The following N4BP3 variants were observed in gnomAD, a reference collection of about 807,000 sequenced individuals.
N4BP3 encodes the protein NEDD4 binding protein 3.
Under a neutral mutation model 43.8 loss-of-function variants are expected in N4BP3, and 33 were observed. The observed-to-expected ratio is 0.75, with a 90% CI of 0.57 to 1.01. The LOEUF (loss-of-function observed/expected upper bound fraction) is 1.01. Among genes scored for constraint, N4BP3 ranks in the 50% least tolerant of loss-of-function variants. The pLI is 0.00. For missense variants in N4BP3, 756 were observed against 744.2 expected (o/e 1.02, Z -0.18); for synonymous variants, 326 against 321.9 (o/e 1.01, Z -0.14).
chr5:178,117,254 C>T (rs961310567), intron 1 of N4BP3, among the ~76,000 whole-genome samples: 1 of 152,174 alleles, frequency 6.6e-6, no homozygotes, highest in Non-Finnish European at 1.5e-5. Context: ...AGGAGTTGAG[C>T]GTGCTTGTGG....
Position 178,121,952 on chromosome 5 carries a change from G to A in N4BP3, c.1586G>A (p.Arg529Gln), listed in dbSNP as rs761789929. 4 of 1,611,088 alleles carry A rather than the reference G, an allele frequency of 2.5e-6. No homozygotes were observed. Among genetic ancestry groups the A allele is most frequent in the Admixed American group, 1.7e-5 (1 of 59,916 alleles). The part of the protein sequence containing the change: ...QALEQELRAL[R>Q]EPPTPWSPRL... ...CTGGAGCAGGAACTGCGGGCACTGC[G>A]GGAGCCCCCCACACCCTGGAGTCCC... The change falls in exon 5 of 5, where the codon CGG (arginine) becomes CAG (glutamine). Residue 529 changes from arginine (R) to glutamine (Q), a missense_variant. By Grantham distance (43) the Arg-to-Gln change is conservative. Coordinates refer to ENST00000274605, the MANE Select transcript of N4BP3 (RefSeq NM_015111.2).
Position 178,121,626 on chromosome 5 carries a change from C to G in N4BP3, c.1260C>G (p.Val420=), listed in dbSNP as rs2113317103. The change falls in exon 5 of 5, where the codon GTC becomes GTG. Residue 420 remains valine (V), a synonymous_variant. Coordinates refer to ENST00000274605, the MANE Select transcript of N4BP3 (RefSeq NM_015111.2). ...CCCAGGCTCAGGACGCAGAGCTGGT[C>G]CGGCTGCGCGAGGCTGTGCGCAGCC... The part of the protein sequence containing the change: ...AQAQAQDAEL[V]RLREAVRSLQ... The G allele has an allele frequency of 1.2e-6, 2 of 1,612,938 alleles. No homozygotes were observed. The highest frequency in any genetic ancestry group is 1.3e-5 in the African/African-American group (1 of 75,046).
At chr5:178,114,721 G>C (rs1051227830) in intron 1 of N4BP3, among the ~76,000 whole-genome samples, 6 of 152,226 alleles carry the variant, frequency 3.9e-5, no homozygotes, top group African/African-American at 1.4e-4. Context: ...GTGCCAGACT[G>C]TGAATGAATG....
rs1250983359 is a variant in N4BP3, at chr5:178,122,114, T to C, written c.*113T>C. On this transcript the variant is annotated 3_prime_UTR_variant, in exon 5 of 5. Transcript: ENST00000274605. The stretch of plus-strand genomic sequence containing the variant: ...GAACCTGCAGAGGCCAGCCCGGGGC[T>C]GGGGAGGCGCAAGGAGAGGAGGGAT... 7.5e-7 allele frequency: 1 copy of C among 1,333,782 alleles called. No individual in the cohort carries two copies. The highest frequency in any genetic ancestry group is 1.0e-6 in the Non-Finnish European group (1 of 1,004,998). The allele number at this position is 1,333,782 out of a possible 1,614,324, so 82.6% of individuals were successfully genotyped here.
intron 1 of N4BP3, 73 bp from the exon 2 acceptor site, chr5:178,119,481 C>A: frequency 8.7e-7 from 1 of 1,155,578 alleles, no homozygotes; most frequent in Non-Finnish European, 1.2e-6. Context: ...GGAGCAAGTA[C>A]CTTGTTTTCA....
In N4BP3 at chr5:178,121,846, CAGG is replaced by C. The variant is rs770151591; in HGVS notation, c.1486_1488del (p.Glu496del). 2.5e-6 allele frequency: 4 copies of C among 1,608,308 alleles called. No individual in the cohort carries two copies. Among genetic ancestry groups the C allele is most frequent in the Admixed American group, 1.7e-5 (1 of 59,166 alleles). On this transcript the variant is annotated inframe_deletion, in exon 5 of 5. Transcript: ENST00000274605. ...CTTTGAGCAGGAGCGGCGGACTTGGCAGGAGGAGAAGGAGCGCGTGCTGCGCTA... is the reference window on the plus strand; with the variant it reads ...CTTTGAGCAGGAGCGGCGGACTTGGCAGGAGAAGGAGCGCGTGCTGCGCTA...
Position 178,120,591 on chromosome 5 carries a change from C to T in N4BP3, c.744C>T (p.Tyr248=), listed in dbSNP as rs753853708. The change falls in exon 3 of 5, where the codon TAC becomes TAT. Residue 248 remains tyrosine (Y), a synonymous_variant. Transcript: ENST00000274605. The part of the protein sequence containing the change: ...LSCLPEPPPP[Y]EFSCSSAEEM... ...GCCTGCCCGAGCCACCACCCCCCTA[C>T]GAGTTCTCCTGCTCCTCTGCCGAGG... 8.7e-6 allele frequency: 14 copies of T among 1,612,612 alleles called. No homozygotes were observed. In the African/African-American group the frequency reaches 9.3e-5, roughly 11 times the overall value.
intron 1 of N4BP3, among the ~76,000 whole-genome samples, chr5:178,114,772 GCGACTCGGAGT>G (rs1215620499): frequency 2.0e-5 from 3 of 152,230 alleles, no homozygotes; most frequent in African/African-American, 7.2e-5. Flanking sequence ...AGCTAGCATA[GCGACTCGGAGT>G]CCCCATGAGG....
At position 178,121,952 on chromosome 5, in the gene N4BP3, G is replaced by T; in HGVS notation, c.1586G>T (p.Arg529Leu). Residue 529 changes from arginine to leucine, a missense_variant, in exon 5 of 5, where the codon CGG becomes CTG. Arg to Leu is a moderately radical substitution (Grantham distance 102). Coordinates refer to ENST00000274605, the MANE Select transcript of N4BP3 (RefSeq NM_015111.2). The part of the protein sequence containing the change: ...QALEQELRAL[R>L]EPPTPWSPRL... The stretch of plus-strand genomic sequence containing the variant: ...CTGGAGCAGGAACTGCGGGCACTGC[G>T]GGAGCCCCCCACACCCTGGAGTCCC... 1 of 1,611,088 alleles carries T rather than the reference G, an allele frequency of 6.2e-7. No individual in the cohort carries two copies. The highest frequency in any genetic ancestry group is 8.5e-7 in the Non-Finnish European group (1 of 1,179,278).
Position 178,124,934 on chromosome 5 carries a change from C to G in N4BP3, c.*2933C>G, listed in dbSNP as rs1462401545. ...CTGTGCTGCTGTAATTGTTGGTTTG[C>G]CTGTCTCCTTTGAGCTGTGGGCATT... On this transcript the variant is annotated 3_prime_UTR_variant, in exon 5 of 5. Coordinates refer to ENST00000274605, the MANE Select transcript of N4BP3 (RefSeq NM_015111.2). 1 of 152,348 alleles carries G rather than the reference C, an allele frequency of 6.6e-6. No individual in the cohort carries two copies. Among genetic ancestry groups the G allele is most frequent in the African/African-American group, 2.4e-5 (1 of 41,454 alleles). 9.4% of individuals were successfully genotyped at this position (152,348 alleles called of 1,614,324 possible). A position where few individuals can be genotyped will look rare whatever the true frequency, so the allele number is the denominator to read the frequency against.
rs746847485 is a variant in N4BP3 at position 178,121,950 on chromosome 5, G to A, written c.1584G>A (p.Leu528=). ...NQALEQELRA[L]REPPTPWSPR... ...CACTGGAGCAGGAACTGCGGGCACT[G>A]CGGGAGCCCCCCACACCCTGGAGTC... The change falls in exon 5 of 5, where the codon CTG becomes CTA. Residue 528 remains leucine (L), a synonymous_variant. Coordinates refer to ENST00000274605, the MANE Select transcript of N4BP3 (RefSeq NM_015111.2). 1 of 1,611,330 alleles carries A rather than the reference G, an allele frequency of 6.2e-7. No homozygotes were observed. The highest frequency in any genetic ancestry group is 1.1e-5 in the South Asian group (1 of 90,916).
rs1757876520 is a variant in N4BP3, at chr5:178,120,081, CAA to C, written c.331-95_331-94del. On this transcript the variant is annotated intron_variant, in intron 2 of 4. Transcript: ENST00000274605. ...CCTGGTGGCACGTGCCCCGCGGTCT[CAA>C]AGAGGATCCCTCAGGGGCTGTGAGA... The C allele has an allele frequency of 1.5e-5, 23 of 1,505,038 alleles. No homozygotes were observed. In the South Asian group the frequency reaches 2.0e-4, roughly 13 times the overall value. The allele number at this position is 1,505,038 out of a possible 1,614,324, so 93.2% of individuals were successfully genotyped here. A position where few individuals can be genotyped will look rare whatever the true frequency, so the allele number is the denominator to read the frequency against.
intron 4 of N4BP3, 23 bp from the exon 5 acceptor site, chr5:178,121,451 C>G: frequency 6.2e-7 from 1 of 1,613,874 alleles, no homozygotes; most frequent in Non-Finnish European, 8.5e-7. Context: ...CCCTACTTTG[C>G]TTGCGTCCTC....
Position 178,120,398 on chromosome 5 carries a change from C to T in N4BP3, c.551C>T (p.Pro184Leu), listed in dbSNP as rs1239669427. ...AGCCTAGATGAGGGCGGCCCTGAGC[C>T]CGAGCCCAGCCTGTCCGACTCCTCC... is the stretch of plus-strand genomic sequence containing the variant. Reference protein sequence around the residue: ...ALSLDEGGPEPEPSLSDSSSG... With the variant: ...ALSLDEGGPELEPSLSDSSSG... The change falls in exon 3 of 5, where the codon CCC (proline) becomes CTC (leucine). Residue 184 changes from proline to leucine, a missense_variant. Transcript: ENST00000274605. 14 of 1,612,776 alleles carry T rather than the reference C, an allele frequency of 8.7e-6. No homozygotes were observed. Among genetic ancestry groups the T allele is most frequent in the Non-Finnish European group, 1.2e-5 (14 of 1,179,970 alleles).
chr5:178,120,300 G>A lies in N4BP3; in HGVS notation c.453G>A (p.Thr151=), dbSNP rs374439291. ...KLWRSNGSLH[T]LACHPPLSPG... is the part of the protein sequence containing the mutation. ...GGCGCAGCAATGGCAGCCTGCACACGCTGGCCTGCCACCCGCCCCTGAGCC... is the reference window on the plus strand; with the variant it reads ...GGCGCAGCAATGGCAGCCTGCACACACTGGCCTGCCACCCGCCCCTGAGCC... The change falls in exon 3 of 5, where the codon ACG becomes ACA. Residue 151 remains threonine, a synonymous_variant. Transcript: ENST00000274605. 3.7e-5 allele frequency: 60 copies of A among 1,608,728 alleles called. No individual in the cohort carries two copies. Among genetic ancestry groups the A allele is most frequent in the Non-Finnish European group, 4.6e-5 (54 of 1,177,834 alleles).
chr5:178,123,835 TG>T lies in N4BP3; in HGVS notation c.*1835del, dbSNP rs1210436156. ...CCATTCCTTCCTGTCAGCCCCAGTC[TG>T]TCTTGGCACTGGCCAGGCTTGGGTG... is the stretch of plus-strand genomic sequence containing the variant. On this transcript the variant is annotated 3_prime_UTR_variant, in exon 5 of 5. Transcript: ENST00000274605. The T allele has an allele frequency of 2.0e-5, 3 of 152,978 alleles. No homozygotes were observed. The highest frequency in any genetic ancestry group is 7.2e-5 in the African/African-American group (3 of 41,464). The allele number at this position is 152,978 out of a possible 1,614,324, so 9.5% of individuals were successfully genotyped here. A position where few individuals can be genotyped will look rare whatever the true frequency, so the allele number is the denominator to read the frequency against.
intron 4 of N4BP3, 53 bp from the exon 5 acceptor site, chr5:178,121,421 T>C (rs777480329): frequency 1.2e-6 from 2 of 1,612,936 alleles, no homozygotes; most frequent in African/African-American, 1.3e-5. Context: ...GCCTGCCCCC[T>C]CCCAAACCGG....
At position 178,122,127 on chromosome 5, in the gene N4BP3, G is replaced by A; in HGVS notation, c.*126G>A. 8.2e-7 allele frequency: 1 copy of A among 1,225,706 alleles called. No homozygotes were observed. The highest frequency in any genetic ancestry group is 1.1e-6 in the Non-Finnish European group (1 of 908,786). 75.9% of individuals were successfully genotyped at this position (1,225,706 alleles called of 1,614,324 possible). On this transcript the variant is annotated 3_prime_UTR_variant, in exon 5 of 5. Transcript: ENST00000274605. ...CCAGCCCGGGGCTGGGGAGGCGCAA[G>A]GAGAGGAGGGATCCAGTGGGGCCGT...
chr5:178,115,790 T>C (rs1757758240), intron 1 of N4BP3, among the ~76,000 whole-genome samples: 1 of 152,212 alleles, frequency 6.6e-6, no homozygotes, highest in Non-Finnish European at 1.5e-5. Context: ...CTTTGCTTCC[T>C]GGCCAGGGCA....
Sources: gnomAD v4.1 joint callset for allele counts (sites outside exome capture counted in the v4.1 genomes callset) on GRCh38, gnomAD v4.1.1 for gene constraint, MANE v1.5 for transcripts, NCBI Gene and HGNC (gene_info 2026-07-23, HGNC 2026-07-21) for gene names.